The following ARHGAP26 variants were observed in gnomAD, a reference collection of about 807,000 sequenced individuals.
The protein encoded by ARHGAP26 is rho GTPase-activating protein 26.
A neutral mutation model predicts 104.8 loss-of-function variants in ARHGAP26; 38 were observed. The observed-to-expected ratio is 0.36, with a 90% CI of 0.28 to 0.48. ARHGAP26 has a LOEUF of 0.48. Ranked by LOEUF, ARHGAP26 falls within the 20% of genes least tolerant of loss-of-function variation. The pLI is 0.99. For missense variants in ARHGAP26, 704 were observed against 947.9 expected (o/e 0.74, Z 3.38); for synonymous variants, 341 against 340.0 (o/e 1.00, Z -0.03).
rs756083646 is a variant in ARHGAP26 at position 143,224,955 on chromosome 5, T to A, written c.*2509T>A. The stretch of plus-strand genomic sequence containing the variant: ...CCCAGGAGCAAGCGAGACACTACCA[T>A]TGAATCAGGGAATGAGAATTAAGAA... On this transcript the variant is annotated 3_prime_UTR_variant, in exon 23 of 23. Coordinates refer to ENST00000645722, the MANE Select transcript of ARHGAP26 (RefSeq NM_001135608.3). 9 of 223,312 alleles carry A rather than the reference T, an allele frequency of 4.0e-5. No individual in the cohort carries two copies. The highest frequency in any genetic ancestry group is 8.0e-5 in the Non-Finnish European group (9 of 111,968). 13.8% of individuals were successfully genotyped at this position (223,312 alleles called of 1,614,324 possible). A position where few individuals can be genotyped will look rare whatever the true frequency, so the allele number is the denominator to read the frequency against.
intron 11 of ARHGAP26, among the ~76,000 whole-genome samples, chr5:142,942,346 G>GA (rs1182425580): frequency 5.9e-5 from 9 of 152,100 alleles, no homozygotes; most frequent in African/African-American, 2.2e-4. Flanking sequence ...GGTTACAAAA[G>GA]AAAAAATTAT....
intron 11 of ARHGAP26, among the ~76,000 whole-genome samples, chr5:142,963,351 A>G (rs1177384278): frequency 1.3e-5 from 2 of 151,556 alleles, no homozygotes; most frequent in African/African-American, 4.9e-5. Context: ...GTAGAATGAT[A>G]TATATTCTTT....
intron 17 of ARHGAP26, among the ~76,000 whole-genome samples, chr5:143,082,730 T>C (rs1298509098): frequency 6.6e-6 from 1 of 152,258 alleles, no homozygotes; most frequent in Admixed American, 6.5e-5. Flanking sequence ...AGATGGGAGT[T>C]GTATATAGCT....
chr5:142,860,069 G>A (rs924923200), intron 1 of ARHGAP26: 8 of 152,176 alleles, frequency 5.3e-5, no homozygotes, highest in Non-Finnish European at 1.5e-5. Context: ...TGTGCACTGG[G>A]GCCACAAGGA....
intron 6 of ARHGAP26, among the ~76,000 whole-genome samples, chr5:142,896,205 C>T (rs575606104): frequency 6.6e-6 from 1 of 152,160 alleles, no homozygotes; most frequent in Non-Finnish European, 1.5e-5. Flanking sequence ...ATAGAATTTG[C>T]CTTTAGCATT....
chr5:142,988,893 G>A (rs1443837398), intron 11 of ARHGAP26, among the ~76,000 whole-genome samples: 1 of 152,180 alleles, frequency 6.6e-6, no homozygotes, highest in Admixed American at 6.5e-5. Context: ...CATTTGCTGA[G>A]GAGTGCTTTA....
intron 3 of ARHGAP26, 31 bp from the exon 4 acceptor site, chr5:142,879,340 GTCT>G: frequency 6.3e-6 from 10 of 1,595,616 alleles, no homozygotes; most frequent in Non-Finnish European, 8.6e-6. Context: ...CTGCTTTTGT[GTCT>G]TCTTTCCCTT....
At chr5:142,897,655 A>G (rs948866206) in intron 6 of ARHGAP26, among the ~76,000 whole-genome samples, 3 of 152,252 alleles carry the variant, frequency 2.0e-5, no homozygotes, top group Non-Finnish European at 4.4e-5. Context: ...AGAACATGAA[A>G]TAACAATTGA....
chr5:143,098,915 A>G (rs1369109502), intron 17 of ARHGAP26, among the ~76,000 whole-genome samples: 2 of 152,248 alleles, frequency 1.3e-5, no homozygotes, highest in South Asian at 2.1e-4. Context: ...AAAGTATAGT[A>G]TAGAATAAAC....
In ARHGAP26 at chr5:143,134,965, G is replaced by T. The variant is rs150655136; in HGVS notation, c.1837+860G>T. Reference sequence around the variant, plus strand: ...AATCACACACAGATAACCAAGGATGGTTCATTCATGCAGCTGACGTTTACA... The same window carrying T: ...AATCACACACAGATAACCAAGGATGTTTCATTCATGCAGCTGACGTTTACA... On this transcript the variant is annotated intron_variant, in intron 19 of 22. Transcript: ENST00000645722. Among the ~76,000 whole-genome samples the T allele has an allele frequency of 6.8e-4, 104 of 152,370 alleles. 1 individual carries two copies. The East Asian group carries it at 0.017, about 25-fold the overall frequency.
intron 13 of ARHGAP26, among the ~76,000 whole-genome samples, chr5:143,039,816 A>G (rs1263777465): frequency 1.3e-5 from 2 of 152,180 alleles, no homozygotes; most frequent in East Asian, 3.8e-4. Context: ...AATAAATACA[A>G]TAAGTAGGAG....
intron 20 of ARHGAP26, among the ~76,000 whole-genome samples, chr5:143,160,618 G>A (rs1267406693): frequency 1.3e-5 from 2 of 151,988 alleles, no homozygotes; most frequent in Non-Finnish European, 2.9e-5. Flanking sequence ...TGAGTAGCTG[G>A]ATAGTCCCAG....
chr5:142,865,471 C>T (rs952382986), intron 1 of ARHGAP26, among the ~76,000 whole-genome samples: 4 of 148,216 alleles, frequency 2.7e-5, no homozygotes, highest in South Asian at 4.3e-4. Flanking sequence ...GTTTTCAACA[C>T]GGAGAAGTTT....
intron 20 of ARHGAP26, among the ~76,000 whole-genome samples, chr5:143,199,133 A>G (rs868694727): frequency 2.0e-5 from 3 of 152,348 alleles, no homozygotes; most frequent in South Asian, 4.1e-4. Flanking sequence ...TGCATGTTAA[A>G]TTATATTAGA....
intron 11 of ARHGAP26, among the ~76,000 whole-genome samples, chr5:142,998,876 C>T (rs1253279350): frequency 6.6e-6 from 1 of 152,200 alleles, no homozygotes; most frequent in Admixed American, 6.5e-5. Context: ...TGTCCCTTTC[C>T]TTTCCAGTTC....
chr5:142,862,300 T>G (rs1223861283), intron 1 of ARHGAP26, among the ~76,000 whole-genome samples: 1 of 152,200 alleles, frequency 6.6e-6, no homozygotes, highest in Non-Finnish European at 1.5e-5. Flanking sequence ...TTATAGACGT[T>G]GAGTTTTCCA....
At chr5:142,775,722 T>C (rs191228410) in intron 1 of ARHGAP26, among the ~76,000 whole-genome samples, 75 of 152,346 alleles carry the variant, frequency 4.9e-4, no homozygotes, top group Admixed American at 3.9e-3. Flanking sequence ...AGTGGAATTA[T>C]ACAATATTTG....
intron 1 of ARHGAP26, among the ~76,000 whole-genome samples, chr5:142,828,924 CA>C (rs1401498613): frequency 6.6e-6 from 1 of 152,208 alleles, no homozygotes; most frequent in African/African-American, 2.4e-5. Context: ...GTCCTCAGTC[CA>C]AAGCAGCTAG....
rs1382743574 is a variant in ARHGAP26, at chr5:143,225,052, G to A, written c.*2606G>A. 1 of 225,026 alleles carries A rather than the reference G, an allele frequency of 4.4e-6. No individual in the cohort carries two copies. The highest frequency in any genetic ancestry group is 5.7e-5 in the Admixed American group (1 of 17,516). 13.9% of individuals were successfully genotyped at this position (225,026 alleles called of 1,614,324 possible). On this transcript the variant is annotated 3_prime_UTR_variant, in exon 23 of 23. Transcript: ENST00000645722. ...GAGAAGAAAGGGAGTATACTAGTAGGTTAGATCTGTGAACCTGAGGACAAG... is the reference window on the plus strand; with the variant it reads ...GAGAAGAAAGGGAGTATACTAGTAGATTAGATCTGTGAACCTGAGGACAAG...
Sources: allele counts gnomAD v4.1 joint callset (sites outside exome capture counted in the v4.1 genomes callset), GRCh38; gene constraint gnomAD v4.1.1; transcripts MANE v1.5; gene names NCBI Gene and HGNC (gene_info 2026-07-23, HGNC 2026-07-21).